The following COL4A4 variants were observed in gnomAD, a reference collection of about 807,000 sequenced individuals.
COL4A4 encodes the protein collagen type IV alpha 4 chain.
A neutral mutation model predicts 192.9 loss-of-function variants in COL4A4; 105 were observed. The observed-to-expected ratio is 0.54, with a 90% CI of 0.46 to 0.64. COL4A4 has a LOEUF of 0.64. Among genes scored for constraint, COL4A4 ranks in the 30% least tolerant of loss-of-function variants. The pLI is 0.00. For synonymous variants in COL4A4, 762 were observed against 769.9 expected (o/e 0.99, Z 0.17); for missense variants, 1,967 against 2,169.3 (o/e 0.91, Z 1.85).
chr2:227,080,876 G>A (rs931142647), intron 23 of COL4A4, among the ~76,000 whole-genome samples: 19 of 152,208 alleles, frequency 1.2e-4, no homozygotes, highest in African/African-American at 3.9e-4. Flanking sequence ...AATGGTCTGC[G>A]GTTGGGTACT....
At chr2:227,154,135 A>C (rs1172122539) in intron 1 of COL4A4, among the ~76,000 whole-genome samples, 2 of 152,184 alleles carry the variant, frequency 1.3e-5, no homozygotes, top group African/African-American at 4.8e-5. Flanking sequence ...AATTTCCAGC[A>C]TGTACATTCA....
chr2:227,096,562 G>C (rs1458804051), intron 19 of COL4A4, among the ~76,000 whole-genome samples: 1 of 152,126 alleles, frequency 6.6e-6, no homozygotes, highest in African/African-American at 2.4e-5. Flanking sequence ...ACAAAGTTTA[G>C]GCCAAATATC....
At chr2:227,136,156 C>A (rs937070624) in intron 4 of COL4A4, among the ~76,000 whole-genome samples, 8 of 152,162 alleles carry the variant, frequency 5.3e-5, no homozygotes, top group Non-Finnish European at 1.0e-4. Flanking sequence ...TGTATGCTTG[C>A]AATCTAATCA....
chr2:226,991,426 C>T, the COL4A4 span, among the ~76,000 whole-genome samples: 2 of 152,112 alleles, frequency 1.3e-5, no homozygotes, highest in South Asian at 2.1e-4. Flanking sequence ...GTGAACCGCC[C>T]GCCTCAGCCT....
At chr2:227,110,971 C>T (rs1429493204) in intron 9 of COL4A4, among the ~76,000 whole-genome samples, 1 of 152,214 alleles carries the variant, frequency 6.6e-6, no homozygotes, top group African/African-American at 2.4e-5. Flanking sequence ...TGAGCCACCA[C>T]GCCTGGCCGG....
chr2:227,136,064 A>G (rs969528185), intron 4 of COL4A4, among the ~76,000 whole-genome samples: 1 of 152,220 alleles, frequency 6.6e-6, no homozygotes, highest in East Asian at 1.9e-4. Context: ...AAGGTAGGCA[A>G]ACTATATTTC....
At chr2:227,065,078 G>C (rs2058221092) in intron 25 of COL4A4, among the ~76,000 whole-genome samples, 1 of 152,258 alleles carries the variant, frequency 6.6e-6, no homozygotes, top group Non-Finnish European at 1.5e-5. Flanking sequence ...CACTTGGGAA[G>C]TGCAAGGGGT....
intron 5 of COL4A4, 62 bp downstream of exon 5, chr2:227,120,952 A>C: frequency 1.2e-6 from 2 of 1,610,314 alleles, no homozygotes; most frequent in Non-Finnish European, 1.7e-6. Context: ...AACAAAAACA[A>C]AAAATGGTGC....
At chr2:226,983,366 G>A in the COL4A4 span, among the ~76,000 whole-genome samples, 915 of 152,236 alleles carry the variant, frequency 6.0e-3, 8 homozygotes, top group African/African-American at 0.021. Flanking sequence ...CGGAAGTATT[G>A]GGTAGCTGTG....
intron 25 of COL4A4, among the ~76,000 whole-genome samples, chr2:227,064,825 C>T (rs1439503537): frequency 6.6e-6 from 1 of 152,200 alleles, no homozygotes; most frequent in African/African-American, 2.4e-5. Flanking sequence ...CATTTTCAGA[C>T]AAGCAAATGC....
intron 1 of COL4A4, among the ~76,000 whole-genome samples, chr2:227,157,946 T>C (rs1207654942): frequency 6.6e-6 from 1 of 152,046 alleles, no homozygotes; most frequent in Non-Finnish European, 1.5e-5. Context: ...CTGACAAAGA[T>C]ATTACAGGAA....
At chr2:227,156,264 T>C (rs2064336278) in intron 1 of COL4A4, among the ~76,000 whole-genome samples, 2 of 151,486 alleles carry the variant, frequency 1.3e-5, no homozygotes, top group African/African-American at 2.4e-5. Flanking sequence ...GCCAGCTGGG[T>C]TGCACGTGCC....
the COL4A4 span, among the ~76,000 whole-genome samples, chr2:226,983,231 C>G: frequency 6.6e-6 from 1 of 152,114 alleles, no homozygotes; most frequent in South Asian, 2.1e-4. Flanking sequence ...TGGAATCTTC[C>G]ATTAGAACCC....
At chr2:227,101,964 A>G in intron 15 of COL4A4, 55 bp from the exon 16 acceptor site, 1 of 1,263,810 alleles carries the variant, frequency 7.9e-7, no homozygotes, top group African/African-American at 1.5e-5. Context: ...TGCATTAACC[A>G]GCTCAGTGCA....
the COL4A4 span, among the ~76,000 whole-genome samples, chr2:226,982,506 T>C: frequency 2.6e-5 from 4 of 152,244 alleles, no homozygotes; most frequent in African/African-American, 4.8e-5. Flanking sequence ...TCAGCATCAA[T>C]AGATGTAATA....
At chr2:227,137,618 T>C (rs975679042) in intron 4 of COL4A4, among the ~76,000 whole-genome samples, 1 of 152,216 alleles carries the variant, frequency 6.6e-6, no homozygotes, top group Non-Finnish European at 1.5e-5. Context: ...TTGTAAGATG[T>C]TGAACAGCAC....
chr2:227,022,958 G>A (rs1002342803), intron 43 of COL4A4, among the ~76,000 whole-genome samples: 13 of 152,146 alleles, frequency 8.5e-5, no homozygotes, highest in Non-Finnish European at 1.8e-4. Context: ...TAACTCCCAC[G>A]ATGATTCCAG....
intron 2 of COL4A4, among the ~76,000 whole-genome samples, chr2:227,145,554 G>A (rs1434502413): frequency 6.6e-6 from 1 of 152,208 alleles, no homozygotes; most frequent in Non-Finnish European, 1.5e-5. Flanking sequence ...TAAAACAGCT[G>A]TGGTTAGAAC....
At chr2:227,014,847 G>GCCTC (rs1335186618) in intron 44 of COL4A4, among the ~76,000 whole-genome samples, 8 of 149,942 alleles carry the variant, frequency 5.3e-5, no homozygotes, top group African/African-American at 2.0e-4. Context: ...TAAAGGTACT[G>GCCTC]CCTCCCGAGT....
Sources: allele counts gnomAD v4.1 joint callset (sites outside exome capture counted in the v4.1 genomes callset), GRCh38; gene constraint gnomAD v4.1.1; transcripts MANE v1.5; gene names NCBI Gene and HGNC (gene_info 2026-07-23, HGNC 2026-07-21).